PRH1: variants seen among roughly 807,000 people sequenced by gnomAD.
The protein encoded by PRH1 is proline rich protein HaeIII subfamily 1.
Under a neutral mutation model 7.9 loss-of-function variants are expected in PRH1, and 7 were observed. The observed-to-expected ratio is 0.89, with a 90% CI of 0.50 to 1.67. The LOEUF (loss-of-function observed/expected upper bound fraction) is 1.67, where lower values mean the gene tolerates loss of function less well. Among genes scored for constraint, PRH1 ranks in the 40% most tolerant of loss-of-function variants. PRH1 has a pLI of 0.00. For missense variants in PRH1, 109 were observed against 223.6 expected, an observed-to-expected ratio of 0.49 and a Z score of 3.27; for synonymous variants, 45 against 80.8, an observed-to-expected ratio of 0.56 and a Z score of 2.38.
intron 1 of PRH1, chr12:11,030,681 G>C (rs767248304): frequency 6.2e-7 from 1 of 1,614,064 alleles, no homozygotes; most frequent in East Asian, 2.2e-5. Flanking sequence ...TTGGTGCTGG[G>C]ATCTTGAGAT....
intron 1 of PRH1, among the ~76,000 whole-genome samples, chr12:11,127,467 AT>A (rs1205604981): frequency 1.3e-5 from 2 of 152,296 alleles, no homozygotes; most frequent in African/African-American, 4.8e-5. Context: ...TCAATGCCAG[AT>A]TTATGGAGAG....
intron 2 of PRH1, among the ~76,000 whole-genome samples, chr12:10,912,080 G>A (rs1949908348): frequency 6.6e-6 from 1 of 152,092 alleles, no homozygotes; most frequent in South Asian, 2.1e-4. Context: ...TCAATATTAT[G>A]TTTCTAAAAT....
chr12:11,101,956 A>G (rs1280760096), intron 1 of PRH1, among the ~76,000 whole-genome samples: 3 of 152,162 alleles, frequency 2.0e-5, no homozygotes, highest in Non-Finnish European at 4.4e-5. Context: ...TGCTTCAAAG[A>G]GAATAAAATA....
At chr12:10,913,542 TACTTTTA>T (rs991449799) in intron 2 of PRH1, among the ~76,000 whole-genome samples, 17 of 152,248 alleles carry the variant, frequency 1.1e-4, no homozygotes, top group African/African-American at 4.1e-4. Context: ...TTCTAAATTT[TACTTTTA>T]ACTTCTCTTT....
At chr12:10,892,359 G>A (rs922747574) in intron 2 of PRH1, among the ~76,000 whole-genome samples, 1 of 152,116 alleles carries the variant, frequency 6.6e-6, no homozygotes, top group Non-Finnish European at 1.5e-5. Flanking sequence ...AAATCCATCA[G>A]AAGTAACTTT....
chr12:11,033,929 T>G (rs12822049), intron 1 of PRH1, among the ~76,000 whole-genome samples: 66,242 of 151,460 alleles, frequency 0.44, 15,263 homozygotes, highest in Non-Finnish European at 0.51. Flanking sequence ...AAGGAACACC[T>G]AAAACAGGCT....
At chr12:11,073,945 CCT>C in intron 1 of PRH1, among the ~76,000 whole-genome samples, 1 of 59,910 alleles carries the variant, frequency 1.7e-5, no homozygotes, top group Non-Finnish European at 4.7e-5. Context: ...GCAAAAAGCC[CCT>C]CAAGCACAAG....
At chr12:10,909,439 C>G in intron 2 of PRH1, 1 of 625,592 alleles carries the variant, frequency 1.6e-6, no homozygotes, top group East Asian at 2.8e-5. Context: ...GGCTCAACGT[C>G]AAAGCAGAAA....
At chr12:10,904,924 G>C (rs143161058) in intron 2 of PRH1, among the ~76,000 whole-genome samples, 2 of 151,846 alleles carry the variant, frequency 1.3e-5, no homozygotes, top group East Asian at 1.9e-4. Context: ...ATTTTAAAAG[G>C]CTCAACATCA....
intron 2 of PRH1, among the ~76,000 whole-genome samples, chr12:10,900,144 G>A (rs909794245): frequency 3.9e-5 from 6 of 152,136 alleles, no homozygotes; most frequent in Non-Finnish European, 5.9e-5. Context: ...CCCCATGATG[G>A]CACCCAGTTA....
At chr12:11,163,018 T>C (rs1442758965) in intron 1 of PRH1, among the ~76,000 whole-genome samples, 2 of 152,146 alleles carry the variant, frequency 1.3e-5, no homozygotes, top group African/African-American at 2.4e-5. Flanking sequence ...AAAGGAAAAA[T>C]GCAGAACAAT....
intron 1 of PRH1, among the ~76,000 whole-genome samples, chr12:11,146,395 G>A (rs370066747): frequency 1.3e-5 from 2 of 152,078 alleles, no homozygotes; most frequent in South Asian, 4.1e-4. Context: ...AAGAATTGAT[G>A]TCATCACAAC....
chr12:11,072,146 GT>G (rs1478421739), intron 1 of PRH1, among the ~76,000 whole-genome samples: 3 of 152,226 alleles, frequency 2.0e-5, no homozygotes, highest in Admixed American at 2.0e-4. Flanking sequence ...TTTTGTTGTT[GT>G]TTTTTCTTTT....
intron 1 of PRH1, chr12:10,997,988 A>G (rs1940384836): frequency 1.5e-6 from 1 of 674,758 alleles, no homozygotes; most frequent in African/African-American, 1.8e-5. Flanking sequence ...GTCCAATAAC[A>G]TTCTTTATAC....
intron 1 of PRH1, among the ~76,000 whole-genome samples, chr12:11,029,602 T>C: frequency 6.6e-6 from 1 of 152,278 alleles, no homozygotes; most frequent in Non-Finnish European, 1.5e-5. Flanking sequence ...TTTTCTTTAA[T>C]TCAAAAGCGG....
At chr12:10,935,600 A>C (rs1950275505) in intron 2 of PRH1, among the ~76,000 whole-genome samples, 1 of 152,056 alleles carries the variant, frequency 6.6e-6, no homozygotes, top group African/African-American at 2.4e-5. Flanking sequence ...ACTCCCCTAG[A>C]GTTATCAAAG....
chr12:10,964,561 G>A, intron 2 of PRH1: 1 of 314,106 alleles, frequency 3.2e-6, no homozygotes, highest in Admixed American at 3.4e-5. Flanking sequence ...TAGTTTGGCT[G>A]AGCATGAGGA....
chr12:10,930,659 C>T lies in PRH1; in HGVS notation c.-59+42996G>A, dbSNP rs1321060768. On this transcript the variant is annotated intron_variant, in intron 2 of 3. Transcript: ENST00000539853. ...TCAGCTCTTCTTGTTTCAACTCACACAGATGGAGGAGACTCTGAGCAGTTC... is the reference window on the plus strand; with the variant it reads ...TCAGCTCTTCTTGTTTCAACTCACATAGATGGAGGAGACTCTGAGCAGTTC... 5 of 1,613,620 alleles carry T rather than the reference C, an allele frequency of 3.1e-6. 1 individual carries two copies. In the African/African-American group the frequency reaches 4.0e-5, roughly 13 times the overall value.
At chr12:11,111,822 T>C (rs556334769) in intron 1 of PRH1, among the ~76,000 whole-genome samples, 12 of 152,106 alleles carry the variant, frequency 7.9e-5, no homozygotes, top group East Asian at 1.9e-4. Flanking sequence ...CTGAAGGAGA[T>C]AGAAACACCT....
Sources: allele counts gnomAD v4.1 joint callset (sites outside exome capture counted in the v4.1 genomes callset), GRCh38; gene constraint gnomAD v4.1.1; transcripts MANE v1.5; gene names NCBI Gene and HGNC (gene_info 2026-07-23, HGNC 2026-07-21).